RASA1: variants seen among roughly 807,000 people sequenced by gnomAD.
RASA1 encodes ras GTPase-activating protein 1.
RASA1 carries 25 observed loss-of-function variants against 132.2 expected under a neutral mutation model. That is an observed-to-expected ratio of 0.19 (90% CI 0.14 to 0.26). The LOEUF (loss-of-function observed/expected upper bound fraction) is 0.26. Ranked by LOEUF, RASA1 falls within the 10% of genes least tolerant of loss-of-function variation. The pLI, the probability that RASA1 is intolerant of heterozygous loss-of-function variation, is 1.00. For synonymous variants in RASA1, 477 were observed against 449.9 expected (o/e 1.06, Z -0.76); for missense variants, 964 against 1,299.2 (o/e 0.74, Z 3.97).
intron 1 of RASA1, 79 bp downstream of exon 1, chr5:87,269,069 T>C (rs1161440801): frequency 1.9e-6 from 3 of 1,613,954 alleles, no homozygotes; most frequent in Non-Finnish European, 2.5e-6. Context: ...AATCATACTT[T>C]GTCCTTTTCA....
intron 1 of RASA1, among the ~76,000 whole-genome samples, chr5:87,299,507 G>C (rs903643143): frequency 2.0e-5 from 3 of 152,076 alleles, no homozygotes; most frequent in African/African-American, 4.8e-5. Flanking sequence ...TTACATATAA[G>C]GTTTGTATAT....
intron 1 of RASA1, among the ~76,000 whole-genome samples, chr5:87,275,813 C>T (rs1754039215): frequency 6.6e-6 from 1 of 152,168 alleles, no homozygotes; most frequent in African/African-American, 2.4e-5. Context: ...TCGTGATCTG[C>T]CACCTTGGCC....
At chr5:87,321,998 G>A (rs1420039997) in intron 1 of RASA1, among the ~76,000 whole-genome samples, 1 of 152,138 alleles carries the variant, frequency 6.6e-6, no homozygotes, top group South Asian at 2.1e-4. Context: ...TAACAAGGGT[G>A]ATATAGCTTG....
At chr5:87,300,019 G>T (rs1755290900) in intron 1 of RASA1, among the ~76,000 whole-genome samples, 1 of 152,116 alleles carries the variant, frequency 6.6e-6, no homozygotes, top group African/African-American at 2.4e-5. Flanking sequence ...ATAATATGTG[G>T]TGAAGGGATG....
At chr5:87,376,608 G>A (rs1761344504) in intron 16 of RASA1, 43 bp downstream of exon 16, 1 of 1,578,468 alleles carries the variant, frequency 6.3e-7, no homozygotes. Context: ...GGAATTAACA[G>A]AAACATTTAA....
intron 6 of RASA1, among the ~76,000 whole-genome samples, chr5:87,342,222 C>T (rs1414925582): frequency 6.6e-6 from 1 of 150,750 alleles, no homozygotes; most frequent in Non-Finnish European, 1.5e-5. Flanking sequence ...TGCAATGGCA[C>T]GATCTCTGCT....
chr5:87,353,122 A>T, intron 8 of RASA1, 35 bp from the exon 9 acceptor site: 1 of 1,532,548 alleles, frequency 6.5e-7, no homozygotes, highest in Admixed American at 1.7e-5. Context: ...CAGTTTTATG[A>T]GACAGATTAA....
chr5:87,341,409 T>C (rs1406552164), intron 6 of RASA1, 88 bp downstream of exon 6: 2 of 961,838 alleles, frequency 2.1e-6, no homozygotes, highest in Non-Finnish European at 2.8e-6. Flanking sequence ...AAATTGTTTT[T>C]TAAGGTTTTG....
intron 6 of RASA1, among the ~76,000 whole-genome samples, chr5:87,342,504 A>G (rs1758545662): frequency 6.6e-6 from 1 of 152,150 alleles, no homozygotes; most frequent in African/African-American, 2.4e-5. Context: ...CAGACAGACA[A>G]TGTAAGCAAG....
At position 87,390,966 on chromosome 5, in the gene RASA1, C is replaced by A; in HGVS notation, c.*83C>A. On this transcript the variant is annotated 3_prime_UTR_variant, in exon 25 of 25. Coordinates refer to ENST00000274376, the MANE Select transcript of RASA1 (RefSeq NM_002890.3). ...CAGTTTAATGTCTCCTTTGCTCTTG[C>A]CAAAAAATAGCACACTTTTCCACAT... 1.5e-6 allele frequency: 2 copies of A among 1,364,732 alleles called. No individual in the cohort carries two copies. Among genetic ancestry groups the A allele is most frequent in the Non-Finnish European group, 2.1e-6 (2 of 958,000 alleles). 84.5% of individuals were successfully genotyped at this position (1,364,732 alleles called of 1,614,324 possible).
At chr5:87,277,994 T>C (rs942757965) in intron 1 of RASA1, among the ~76,000 whole-genome samples, 4 of 152,126 alleles carry the variant, frequency 2.6e-5, no homozygotes, top group Non-Finnish European at 4.4e-5. Context: ...TCAATGTGTG[T>C]TCATTGTTGT....
At chr5:87,285,936 C>G (rs1281133565) in intron 1 of RASA1, among the ~76,000 whole-genome samples, 1 of 151,846 alleles carries the variant, frequency 6.6e-6, no homozygotes, top group Non-Finnish European at 1.5e-5. Flanking sequence ...CTCTTTTTCT[C>G]CTTTCCCACT....
intron 3 of RASA1, 115 bp from the exon 4 acceptor site, chr5:87,333,152 A>G: frequency 6.9e-7 from 1 of 1,439,078 alleles, no homozygotes; most frequent in Non-Finnish European, 9.3e-7. Context: ...ATTTATTTGA[A>G]TGATCCCATG....
intron 1 of RASA1, among the ~76,000 whole-genome samples, chr5:87,281,902 G>T (rs933753435): frequency 5.9e-5 from 9 of 151,956 alleles, no homozygotes; most frequent in Non-Finnish European, 1.0e-4. Flanking sequence ...TTCGAGTTGA[G>T]TTTTTTTGTT....
At chr5:87,385,063 T>C (rs1053755527) in intron 21 of RASA1, among the ~76,000 whole-genome samples, 2 of 152,096 alleles carry the variant, frequency 1.3e-5, no homozygotes, top group Admixed American at 1.3e-4. Context: ...AGTACCCTTT[T>C]CGCAAGCCTA....
In RASA1 at chr5:87,341,242, GATTA is replaced by G. The variant is rs758308453; in HGVS notation, c.1018-45_1018-42del. The stretch of plus-strand genomic sequence containing the variant: ...ATTTTCATGAATTTTAATAAAAATT[GATTA>G]ATAGTTAATTATATAAAATACTGTC... On this transcript the variant is annotated intron_variant, in intron 5 of 24. Coordinates refer to ENST00000274376, the MANE Select transcript of RASA1 (RefSeq NM_002890.3). The G allele has an allele frequency of 5.5e-6, 6 of 1,087,642 alleles. No homozygotes were observed. The South Asian group carries it at 2.1e-4, about 37-fold the overall frequency. 67.4% of individuals were successfully genotyped at this position (1,087,642 alleles called of 1,614,324 possible). A position where few individuals can be genotyped will look rare whatever the true frequency, so the allele number is the denominator to read the frequency against.
intron 10 of RASA1, 65 bp from the exon 11 acceptor site, chr5:87,363,283 T>C: frequency 7.2e-7 from 1 of 1,380,100 alleles, no homozygotes; most frequent in Admixed American, 1.8e-5. Flanking sequence ...GAAACACTAA[T>C]TTTAATAATA....
rs1244036829 is a variant in RASA1, at chr5:87,385,466, A to C, written c.2847+77A>C. ...TGATAAAACCATAAATTGTGGCTTA[A>C]GTAAATTTTTAGCAGTGAAATTTTT... On this transcript the variant is annotated intron_variant, in intron 22 of 24. Transcript: ENST00000274376. 4 of 1,162,210 alleles carry C rather than the reference A, an allele frequency of 3.4e-6. No individual in the cohort carries two copies. In the Middle Eastern group the frequency reaches 5.9e-4, roughly 173 times the overall value. The allele number at this position is 1,162,210 out of a possible 1,614,324, so 72.0% of individuals were successfully genotyped here.
At chr5:87,374,566 ACT>A (rs2112486088) in intron 14 of RASA1, among the ~76,000 whole-genome samples, 1 of 150,810 alleles carries the variant, frequency 6.6e-6, no homozygotes, top group Non-Finnish European at 1.5e-5. Context: ...AAAAACATTT[ACT>A]AACCCACAAA....
Sources: allele counts gnomAD v4.1 joint callset (sites outside exome capture counted in the v4.1 genomes callset), GRCh38; gene constraint gnomAD v4.1.1; transcripts MANE v1.5; gene names NCBI Gene and HGNC (gene_info 2026-07-23, HGNC 2026-07-21).